Variants in KAZN observed in about 807,000 individuals in gnomAD.
The protein encoded by KAZN is kazrin.
A neutral mutation model predicts 87.4 loss-of-function variants in KAZN; 40 were observed. The observed-to-expected ratio is 0.46, with a 90% CI of 0.36 to 0.60. The LOEUF (loss-of-function observed/expected upper bound fraction) is 0.60. Among genes scored for constraint, KAZN ranks in the 20% least tolerant of loss-of-function variants. The probability of loss-of-function intolerance (pLI) is 0.00; values close to 1 mark genes in which losing one functional copy is unlikely to be tolerated. For missense variants in KAZN, 898 were observed against 1,073.9 expected, an observed-to-expected ratio of 0.84 and a Z score of 2.29; for synonymous variants, 466 against 458.3, an observed-to-expected ratio of 1.02 and a Z score of -0.22.
At chr1:14,420,849 C>T (rs912859590) in intron 2 of KAZN, among the ~76,000 whole-genome samples, 94 of 152,172 alleles carry the variant, frequency 6.2e-4, no homozygotes, top group Non-Finnish European at 1.1e-3. Context: ...GGCCTGGGAG[C>T]GCTGCGCACA....
At chr1:14,560,996 C>T (rs1674221937) in intron 2 of KAZN, among the ~76,000 whole-genome samples, 2 of 152,116 alleles carry the variant, frequency 1.3e-5, no homozygotes, top group African/African-American at 4.8e-5. Flanking sequence ...TGCCAGGGTC[C>T]CACCATTAAC....
At chr1:14,839,773 G>A (rs954954818) in intron 1 of KAZN, among the ~76,000 whole-genome samples, 3 of 152,168 alleles carry the variant, frequency 2.0e-5, no homozygotes, top group African/African-American at 4.8e-5. Flanking sequence ...CCAGCACAGC[G>A]TAGATGCTCC....
chr1:14,633,211 C>A (rs555058930), intron 1 of KAZN, among the ~76,000 whole-genome samples: 1 of 152,250 alleles, frequency 6.6e-6, no homozygotes, highest in South Asian at 2.1e-4. Flanking sequence ...GCCACCGCAC[C>A]CGGCCAAAAT....
chr1:14,158,164 C>G (rs1044691050), intron 1 of KAZN, among the ~76,000 whole-genome samples: 4 of 152,148 alleles, frequency 2.6e-5, no homozygotes, highest in Non-Finnish European at 5.9e-5. Flanking sequence ...TGGAAGTTCT[C>G]TGTTATTATC....
intron 1 of KAZN, among the ~76,000 whole-genome samples, chr1:14,065,911 C>T (rs1484772971): frequency 1.3e-5 from 2 of 152,130 alleles, no homozygotes; most frequent in Non-Finnish European, 2.9e-5. Context: ...CATTTTAGTG[C>T]ATCTGTCACC....
At chr1:14,536,518 G>C (rs553781410) in intron 2 of KAZN, among the ~76,000 whole-genome samples, 31 of 152,332 alleles carry the variant, frequency 2.0e-4, no homozygotes, top group East Asian at 1.7e-3. Context: ...AGGTTGAGGA[G>C]TGTTAAAGCT....
intron 1 of KAZN, among the ~76,000 whole-genome samples, chr1:14,840,173 A>G (rs1183339773): frequency 2.1e-4 from 32 of 152,160 alleles, no homozygotes; most frequent in Admixed American, 2.1e-3. Context: ...GAGGTCTTGC[A>G]CGGTGATTGC....
In KAZN at chr1:14,024,846, C is replaced by T. The variant is rs1049326482; in HGVS notation, c.91+131090C>T. On this transcript the variant is annotated intron_variant, in intron 1 of 16. Transcript: ENST00000636203. The stretch of plus-strand genomic sequence containing the variant: ...AGGCACTGACGCTTAGGCTTTGTCC[C>T]CAATCAGTTAAACCAATTGCTGGCG... 7.2e-5 allele frequency among the ~76,000 whole-genome samples: 11 copies of T among 152,272 alleles called. No homozygotes were observed. The East Asian group carries it at 1.2e-3, about 16-fold the overall frequency.
Position 15,056,370 on chromosome 1 carries a change from C to A in KAZN, c.916+90C>A. On this transcript the variant is annotated intron_variant, in intron 5 of 14. Coordinates refer to ENST00000376030, the MANE Select transcript of KAZN (RefSeq NM_201628.3). This position sits in a 1 kb window ranked among gnomAD's most constrained non-coding sequence, Gnocchi z 5.4. ...CAGTGGGAGAGGCAGCTGCTTTGTT[C>A]GTACTACAGCAGCTTGGGGGCGTGG... is the stretch of plus-strand genomic sequence containing the variant. The A allele has an allele frequency of 2.3e-6, 3 of 1,312,742 alleles. No homozygotes were observed. Among genetic ancestry groups the A allele is most frequent in the South Asian group, 2.9e-5 (2 of 69,620 alleles). The allele number at this position is 1,312,742 out of a possible 1,614,324, so 81.3% of individuals were successfully genotyped here. A position where few individuals can be genotyped will look rare whatever the true frequency, so the allele number is the denominator to read the frequency against.
chr1:15,032,019 G>A (rs1282442738), intron 2 of KAZN, among the ~76,000 whole-genome samples: 2 of 151,762 alleles, frequency 1.3e-5, no homozygotes, highest in Non-Finnish European at 2.9e-5. Context: ...ACAGAGTTAT[G>A]TATCCATCAC....
chr1:14,864,976 C>G (rs1218739452), intron 1 of KAZN, among the ~76,000 whole-genome samples: 2 of 152,204 alleles, frequency 1.3e-5, no homozygotes, highest in Non-Finnish European at 2.9e-5. Context: ...TGTTACCCAG[C>G]ACCATGCTAG....
At chr1:14,712,047 T>G (rs1349277689) in intron 1 of KAZN, among the ~76,000 whole-genome samples, 3 of 152,014 alleles carry the variant, frequency 2.0e-5, no homozygotes, top group Non-Finnish European at 4.4e-5. Context: ...ACCTGGAGCT[T>G]CACGAGCAAG....
Position 14,827,051 on chromosome 1 carries a change from G to A in KAZN, c.227-133633G>A, listed in dbSNP as rs1054781358. On this transcript the variant is annotated intron_variant, in intron 1 of 14. Transcript: ENST00000376030. ...AATCAGATGATGTGCGGGAGGCTGC[G>A]CACATCAGGCAGTTCTGTGGATGTT... is the stretch of plus-strand genomic sequence containing the variant. 3.3e-5 allele frequency among the ~76,000 whole-genome samples: 5 copies of A among 152,128 alleles called. No individual in the cohort carries two copies. The South Asian group carries it at 6.2e-4, about 19-fold the overall frequency.
intron 1 of KAZN, among the ~76,000 whole-genome samples, chr1:14,015,009 T>C (rs185357187): frequency 1.3e-5 from 2 of 152,340 alleles, no homozygotes; most frequent in African/African-American, 4.8e-5. Flanking sequence ...GAAAGGTTTT[T>C]ATTGCCTCTA....
At chr1:15,057,245 G>A (rs948849441) in intron 5 of KAZN, among the ~76,000 whole-genome samples, 6 of 152,244 alleles carry the variant, frequency 3.9e-5, no homozygotes, top group Admixed American at 1.3e-4. Flanking sequence ...CTAGAGGCAT[G>A]ACCCATGACC....
At chr1:15,079,539 C>T (rs1047422745) in intron 8 of KAZN, among the ~76,000 whole-genome samples, 35 of 152,194 alleles carry the variant, frequency 2.3e-4, no homozygotes, top group Middle Eastern at 3.4e-3. Flanking sequence ...TTCCTGAAAC[C>T]CACAGCCATC....
At chr1:15,019,851 G>A (rs967778633) in intron 2 of KAZN, among the ~76,000 whole-genome samples, 3 of 152,130 alleles carry the variant, frequency 2.0e-5, no homozygotes, top group Non-Finnish European at 2.9e-5. Flanking sequence ...TGTTATCATC[G>A]GTTATCATTG....
chr1:14,056,636 T>C (rs61775660), intron 1 of KAZN, among the ~76,000 whole-genome samples: 21,272 of 152,118 alleles, frequency 0.14, 1,858 homozygotes, highest in Middle Eastern at 0.26. Flanking sequence ...CACCCTTATG[T>C]CACCGATAAG....
At chr1:14,831,461 G>C (rs559195706) in intron 1 of KAZN, among the ~76,000 whole-genome samples, 1 of 152,278 alleles carries the variant, frequency 6.6e-6, no homozygotes, top group South Asian at 2.1e-4. Context: ...TTCTGCCTTT[G>C]ATAAAGAAAA....
Sources: gnomAD v4.1 joint callset for allele counts (sites outside exome capture counted in the v4.1 genomes callset) on GRCh38, gnomAD v4.1.1 for gene constraint, Gnocchi (gnomAD v3.1) non-coding constraint, MANE v1.5 for transcripts, NCBI Gene and HGNC (gene_info 2026-07-23, HGNC 2026-07-21) for gene names.